The following NLRP5 variants were observed in gnomAD, a reference collection of about 807,000 sequenced individuals.
The protein encoded by NLRP5 is NACHT, LRR and PYD domains-containing protein 5.
Under a neutral mutation model 113.1 loss-of-function variants are expected in NLRP5, and 93 were observed. The ratio of observed to expected loss-of-function variants is 0.82; its 90% CI spans 0.70 to 0.98. NLRP5 has a LOEUF of 0.98. NLRP5 is among the 50% of genes least tolerant of loss of function. NLRP5 has a pLI of 0.00. For synonymous variants in NLRP5, 751 were observed against 600.7 expected (o/e 1.25, Z -3.66); for missense variants, 1,808 against 1,514.3 (o/e 1.19, Z -3.22).
At chr19:56,050,356 C>T (rs2123335246) in intron 11 of NLRP5, 62 bp from the exon 12 acceptor site, 1 of 1,501,326 alleles carries the variant, frequency 6.7e-7, no homozygotes, top group Non-Finnish European at 9.2e-7. Context: ...AGCAGCAGCT[C>T]ACTTGAGGCC....
rs1020962533 is a variant in NLRP5 at position 56,061,651 on chromosome 19, C to A, written c.*123C>A. ...GATGGAGAATGATTTCTGATTCTCA[C>A]AAAGCCCTCAATGGTAGTGATTCTT... is the stretch of plus-strand genomic sequence containing the variant. On this transcript the variant is annotated 3_prime_UTR_variant, in exon 15 of 15. Coordinates refer to ENST00000390649, the MANE Select transcript of NLRP5 (RefSeq NM_153447.4). The A allele has an allele frequency of 3.6e-6, 4 of 1,096,544 alleles. No individual in the cohort carries two copies. The African/African-American group carries it at 4.6e-5, about 13-fold the overall frequency. The allele number at this position is 1,096,544 out of a possible 1,614,324, so 67.9% of individuals were successfully genotyped here.
Position 56,038,129 on chromosome 19 carries a change from C to G in NLRP5, c.2720C>G (p.Thr907Arg). 6.2e-7 allele frequency: 1 copy of G among 1,613,990 alleles called. No individual in the cohort carries two copies. The highest frequency in any genetic ancestry group is 1.1e-5 in the South Asian group (1 of 91,088). ...CTGAGCCTGGCAGGAAACAAGGTGA[C>G]AGACCAGGGAGTAATGCCTCTCAGT... Residue 907 changes from threonine (T) to arginine (R), a missense_variant, in exon 10 of 15, where the codon ACA (threonine) becomes AGA (arginine). Thr to Arg is a moderately conservative substitution (Grantham distance 71). Coordinates refer to ENST00000390649, the MANE Select transcript of NLRP5 (RefSeq NM_153447.4).
In NLRP5 at chr19:56,050,522, A is replaced by G. The variant is rs764959114; in HGVS notation, c.3062A>G (p.Glu1021Gly). ...CTGAGCCTTAGCATGAACCCTGTGG[A>G]AGACAATGGCGTGAAGCTTCTGTGC... The change falls in exon 12 of 15, where the codon GAA becomes GGA. Residue 1021 changes from glutamate (E) to glycine (G), a missense_variant. Physicochemically the swap from Glu to Gly is moderately conservative, Grantham distance 98. Transcript: ENST00000390649. The G allele has an allele frequency of 4.8e-5, 78 of 1,613,834 alleles. No homozygotes were observed. The highest frequency in any genetic ancestry group is 6.5e-5 in the Non-Finnish European group (77 of 1,179,880).
At chr19:56,031,175 A>G (rs369106495) in intron 7 of NLRP5, among the ~76,000 whole-genome samples, 9 of 152,162 alleles carry the variant, frequency 5.9e-5, no homozygotes, top group East Asian at 3.9e-4. Flanking sequence ...GTACGATACA[A>G]TATTAACTAC....
intron 11 of NLRP5, among the ~76,000 whole-genome samples, chr19:56,045,123 C>T (rs748776297): frequency 1.5e-4 from 23 of 152,194 alleles, no homozygotes; most frequent in Non-Finnish European, 8.8e-5. Flanking sequence ...GTCCTTAGAG[C>T]TTTCAAGGTA....
At chr19:56,038,850 T>C (rs1983415583) in intron 10 of NLRP5, among the ~76,000 whole-genome samples, 2 of 152,188 alleles carry the variant, frequency 1.3e-5, no homozygotes, top group Admixed American at 1.3e-4. Flanking sequence ...AGTTTTGTTG[T>C]TGCCCAGGCT....
chr19:56,027,983 C>A lies in NLRP5; in HGVS notation c.1750C>A (p.His584Asn). Residue 584 changes from histidine (H) to asparagine (N), a missense_variant, in exon 7 of 15, where the codon CAC (histidine) becomes AAC (asparagine). Physicochemically the swap from His to Asn is moderately conservative, Grantham distance 68 (BLOSUM62 1). Coordinates refer to ENST00000390649, the MANE Select transcript of NLRP5 (RefSeq NM_153447.4). ...CTGTGAGGAGTACTACACCTTCTTC[C>A]ACCTCAGTCTCCAGGACTTCTGTGC... 6.2e-7 allele frequency: 1 copy of A among 1,613,968 alleles called. No homozygotes were observed. The highest frequency in any genetic ancestry group is 8.5e-7 in the Non-Finnish European group (1 of 1,179,878).
chr19:56,009,767 C>T (rs1015491915), intron 3 of NLRP5, among the ~76,000 whole-genome samples: 7 of 152,118 alleles, frequency 4.6e-5, no homozygotes, highest in African/African-American at 9.7e-5. Context: ...CAGTGTTGAC[C>T]GTGAAACCTA....
chr19:55,999,659 C>G (rs1981549527), upstream of NLRP5: 3 of 1,235,070 alleles, frequency 2.4e-6, no homozygotes, highest in Non-Finnish European at 3.6e-6. Flanking sequence ...GGCAGGTACT[C>G]TGATTTCCAG....
chr19:56,022,286 C>T (rs1464383484), intron 6 of NLRP5, among the ~76,000 whole-genome samples: 2 of 152,212 alleles, frequency 1.3e-5, no homozygotes, highest in Non-Finnish European at 1.5e-5. Flanking sequence ...GTGGCACAAT[C>T]ACAGCTCACT....
At chr19:55,994,969 C>T (rs181431246), upstream of NLRP5, among the ~76,000 whole-genome samples, 88 of 152,248 alleles carry the variant, frequency 5.8e-4, no homozygotes, top group Admixed American at 4.7e-3. Flanking sequence ...ATGGTTATCC[C>T]GTTTTCGCAG....
chr19:56,014,973 A>C (rs4603679), intron 3 of NLRP5, among the ~76,000 whole-genome samples: 2 of 152,184 alleles, frequency 1.3e-5, no homozygotes, highest in Non-Finnish European at 2.9e-5. Context: ...ATGAGATTGC[A>C]TTATGTCATG....
chr19:55,990,628 C>T, the NLRP5 span, among the ~76,000 whole-genome samples: 1 of 152,024 alleles, frequency 6.6e-6, no homozygotes, highest in African/African-American at 2.4e-5. Flanking sequence ...AGATCGAGAC[C>T]ATCCTGGCTA....
intron 2 of NLRP5, 91 bp downstream of exon 2, chr19:56,004,186 G>T (rs1044997142): frequency 1.1e-5 from 15 of 1,351,262 alleles, no homozygotes; most frequent in Non-Finnish European, 1.5e-5. Context: ...TCAGTAACCG[G>T]CTCCACCTCT....
rs368774901 is a variant in NLRP5, at chr19:56,027,077, G to A, written c.844G>A (p.Val282Met). ...CCGGTGGGGCTTCCGGCCTCGCACG[G>A]TGGTTCTGCACGGAAAGTCAGGAAT... Residue 282 changes from valine to methionine, a missense_variant, in exon 7 of 15, where the codon GTG becomes ATG. Coordinates refer to ENST00000390649, the MANE Select transcript of NLRP5 (RefSeq NM_153447.4). 6 of 1,561,456 alleles carry A rather than the reference G, an allele frequency of 3.8e-6. No individual in the cohort carries two copies. The highest frequency in any genetic ancestry group is 5.2e-6 in the Non-Finnish European group (6 of 1,152,916).
chr19:56,050,344 A>G (rs1195879654), intron 11 of NLRP5, 74 bp from the exon 12 acceptor site: 12 of 1,392,968 alleles, frequency 8.6e-6, no homozygotes, highest in Non-Finnish European at 1.1e-5. Context: ...AGCTGGGAGG[A>G]GAGCAGCAGC....
At chr19:56,021,539 C>A (rs1174197086) in intron 6 of NLRP5, among the ~76,000 whole-genome samples, 2 of 152,194 alleles carry the variant, frequency 1.3e-5, no homozygotes, top group African/African-American at 4.8e-5. Context: ...TCTAAACTCT[C>A]CGATTCCAGA....
In NLRP5 at chr19:56,061,791, AAC is replaced by A. The variant is rs1240751092; in HGVS notation, c.*267_*268del. On this transcript the variant is annotated 3_prime_UTR_variant, in exon 15 of 15. Coordinates refer to ENST00000390649, the MANE Select transcript of NLRP5 (RefSeq NM_153447.4). ...CAGAGCATATAGAGGGAATTAAATA[AAC>A]ACAAAGCATTTGGAAAAGTTGTCAA... 8.9e-6 allele frequency: 3 copies of A among 338,184 alleles called. No homozygotes were observed. The highest frequency in any genetic ancestry group is 6.4e-5 in the African/African-American group (3 of 47,100). The allele number at this position is 338,184 out of a possible 1,614,324, so 20.9% of individuals were successfully genotyped here.
intron 11 of NLRP5, among the ~76,000 whole-genome samples, chr19:56,046,465 T>G (rs1983730115): frequency 6.6e-6 from 1 of 151,230 alleles, no homozygotes; most frequent in African/African-American, 2.4e-5. Context: ...AGGGTGATGC[T>G]GGCTTCATAG....
Sources: allele counts gnomAD v4.1 joint callset (sites outside exome capture counted in the v4.1 genomes callset), GRCh38; gene constraint gnomAD v4.1.1; transcripts MANE v1.5; gene names NCBI Gene and HGNC (gene_info 2026-07-23, HGNC 2026-07-21).